The following CHST11 variants were observed in gnomAD, a reference collection of about 807,000 sequenced individuals.
The protein encoded by CHST11 is carbohydrate sulfotransferase 11, also known as C4S-1.
CHST11 carries 9 observed loss-of-function variants against 30.4 expected under a neutral mutation model. That is an observed-to-expected ratio of 0.30 (90% CI 0.18 to 0.52). The LOEUF (loss-of-function observed/expected upper bound fraction) is 0.52, where lower values mean the gene tolerates loss of function less well. Ranked by LOEUF, CHST11 falls within the 20% of genes least tolerant of loss-of-function variation. The pLI is 0.97. For missense variants in CHST11, 348 were observed against 460.6 expected (o/e 0.76, Z 2.24); for synonymous variants, 152 against 187.8 (o/e 0.81, Z 1.56).
Position 104,597,810 on chromosome 12 carries a change from C to T in CHST11, c.119-4096C>T, listed in dbSNP as rs879764878. ...TATTTTGGACTTGTCCTGGAAGTGGCCAGCCAACCAGGTCTCAGGCCAGGA... is the reference window on the plus strand; with the variant it reads ...TATTTTGGACTTGTCCTGGAAGTGGTCAGCCAACCAGGTCTCAGGCCAGGA... On this transcript the variant is annotated intron_variant, in intron 1 of 2. Transcript: ENST00000303694. Among the ~76,000 whole-genome samples, 16 of 152,146 alleles carry T rather than the reference C, an allele frequency of 1.1e-4. 1 individual carries two copies. The highest frequency in any genetic ancestry group is 1.0e-3 in the Admixed American group (16 of 15,282).
chr12:104,506,881 C>T (rs983224559), intron 1 of CHST11, among the ~76,000 whole-genome samples: 14 of 152,110 alleles, frequency 9.2e-5, no homozygotes, highest in African/African-American at 3.1e-4. Flanking sequence ...TCAGAACAGT[C>T]GACCTCTAAA....
intron 2 of CHST11, among the ~76,000 whole-genome samples, chr12:104,657,987 G>A (rs1461426825): frequency 6.6e-6 from 1 of 152,214 alleles, no homozygotes; most frequent in Admixed American, 6.5e-5. Context: ...GCAGTGTTCA[G>A]GGACGCAGCC....
intron 2 of CHST11, 79 bp from the exon 3 acceptor site, chr12:104,756,870 A>G: frequency 2.0e-6 from 3 of 1,500,270 alleles, no homozygotes; most frequent in Non-Finnish European, 2.7e-6. Flanking sequence ...GAACGGGTGG[A>G]TTTATGATCT....
chr12:104,747,579 A>G (rs953921911), intron 2 of CHST11, among the ~76,000 whole-genome samples: 3 of 152,194 alleles, frequency 2.0e-5, no homozygotes, highest in Non-Finnish European at 4.4e-5. Flanking sequence ...AGAGCAAATC[A>G]GCTCATCAGG....
At chr12:104,707,727 A>G (rs1420950046) in intron 2 of CHST11, among the ~76,000 whole-genome samples, 2 of 152,234 alleles carry the variant, frequency 1.3e-5, no homozygotes, top group Non-Finnish European at 2.9e-5. Flanking sequence ...CATACATGGG[A>G]TCATTTACAC....
chr12:104,495,742 C>T (rs550347231), intron 1 of CHST11, among the ~76,000 whole-genome samples: 1 of 152,240 alleles, frequency 6.6e-6, no homozygotes, highest in East Asian at 1.9e-4. Flanking sequence ...GAAATTGAGG[C>T]TTGGAGAATG....
intron 1 of CHST11, among the ~76,000 whole-genome samples, chr12:104,503,988 A>G (rs1312398583): frequency 6.6e-6 from 1 of 152,216 alleles, no homozygotes; most frequent in East Asian, 1.9e-4. Context: ...AAGCTGGTGA[A>G]ATGAGATGTA....
At chr12:104,524,397 A>G (rs1450983389) in intron 1 of CHST11, among the ~76,000 whole-genome samples, 5 of 152,294 alleles carry the variant, frequency 3.3e-5, no homozygotes, top group Admixed American at 6.5e-5. Flanking sequence ...TAGTTCATTC[A>G]TTTGTCCTAA....
chr12:104,638,642 CT>C (rs1266845559), intron 2 of CHST11, among the ~76,000 whole-genome samples: 1 of 152,174 alleles, frequency 6.6e-6, no homozygotes, highest in Non-Finnish European at 1.5e-5. Flanking sequence ...CAGAAATCCC[CT>C]TCTTTAAGCC....
intron 2 of CHST11, among the ~76,000 whole-genome samples, chr12:104,752,752 C>T (rs1015911624): frequency 7.9e-5 from 12 of 152,194 alleles, no homozygotes; most frequent in African/African-American, 1.9e-4. Flanking sequence ...TGGTCTCACA[C>T]TCCTGACCTC....
chr12:104,682,733 C>G (rs767166378), intron 2 of CHST11, among the ~76,000 whole-genome samples: 3 of 152,250 alleles, frequency 2.0e-5, no homozygotes, highest in Non-Finnish European at 4.4e-5. Flanking sequence ...ATGTGTTTCT[C>G]CTGTGAAGCC....
chr12:104,653,898 C>T (rs189444221), intron 2 of CHST11, among the ~76,000 whole-genome samples: 45 of 152,238 alleles, frequency 3.0e-4, no homozygotes, highest in African/African-American at 7.0e-4. Context: ...AAACCTCAAA[C>T]GGGTGCTGTG....
intron 1 of CHST11, among the ~76,000 whole-genome samples, chr12:104,587,756 GATTTATTTATTTATTTATTT>G (rs71829896): frequency 6.1e-5 from 9 of 147,792 alleles, no homozygotes; most frequent in South Asian, 4.3e-4. Flanking sequence ...TGAATCTTAA[GATTTATTTATTTATTTATTT>G]ATTTATTTAT....
intron 1 of CHST11, among the ~76,000 whole-genome samples, chr12:104,570,570 TA>T (rs1342056196): frequency 6.6e-6 from 1 of 152,064 alleles, no homozygotes; most frequent in Non-Finnish European, 1.5e-5. Context: ...CATTTAGTAT[TA>T]GGGATACAGA....
intron 1 of CHST11, among the ~76,000 whole-genome samples, chr12:104,488,419 GTCTA>G (rs1251264643): frequency 6.6e-6 from 1 of 150,640 alleles, no homozygotes; most frequent in African/African-American, 2.4e-5. Flanking sequence ...ATGTGTATGT[GTCTA>G]TGTATGTGTA....
At chr12:104,596,967 A>G (rs894033201) in intron 1 of CHST11, among the ~76,000 whole-genome samples, 2 of 152,200 alleles carry the variant, frequency 1.3e-5, no homozygotes, top group African/African-American at 4.8e-5. Flanking sequence ...GTTCCTACTC[A>G]GGGTCCCACA....
At chr12:104,486,244 C>T (rs900054947) in intron 1 of CHST11, among the ~76,000 whole-genome samples, 12 of 151,506 alleles carry the variant, frequency 7.9e-5, no homozygotes, top group Admixed American at 2.0e-4. Context: ...ATACCAGTCA[C>T]GGGCAGTCTT....
chr12:104,557,116 G>T (rs2038464992), intron 1 of CHST11, among the ~76,000 whole-genome samples: 1 of 152,150 alleles, frequency 6.6e-6, no homozygotes, highest in Admixed American at 6.5e-5. Context: ...TTCCAAATAA[G>T]GTCACATTCA....
intron 2 of CHST11, among the ~76,000 whole-genome samples, chr12:104,727,995 A>G (rs2040229199): frequency 6.6e-6 from 1 of 152,196 alleles, no homozygotes; most frequent in African/African-American, 2.4e-5. Context: ...GCCTTCCGGC[A>G]TGTCTGGGGA....
Sources: gnomAD v4.1 joint callset for allele counts (sites outside exome capture counted in the v4.1 genomes callset) on GRCh38, gnomAD v4.1.1 for gene constraint, MANE v1.5 for transcripts, NCBI Gene and HGNC (gene_info 2026-07-23, HGNC 2026-07-21) for gene names.